The following GLI3 variants were observed in gnomAD, a reference collection of about 807,000 sequenced individuals.
GLI3 encodes the protein transcription activator GLI3.
Under a neutral mutation model 100.8 loss-of-function variants are expected in GLI3, and 20 were observed. That is an observed-to-expected ratio of 0.20 (90% CI 0.14 to 0.29). The LOEUF (loss-of-function observed/expected upper bound fraction) is 0.29, where lower values mean the gene tolerates loss of function less well. GLI3 is among the 10% of genes least tolerant of loss of function. The pLI is 1.00. For synonymous variants in GLI3, 938 were observed against 860.5 expected (o/e 1.09, Z -1.58); for missense variants, 2,040 against 2,128.5 (o/e 0.96, Z 0.82).
intron 3 of GLI3, among the ~76,000 whole-genome samples, chr7:42,137,013 A>G (rs1429074036): frequency 6.6e-6 from 1 of 152,262 alleles, no homozygotes; most frequent in Non-Finnish European, 1.5e-5. Flanking sequence ...ACCTCAGTTC[A>G]GCCACTTCCA....
At chr7:41,985,588 T>C (rs1787798073) in intron 10 of GLI3, among the ~76,000 whole-genome samples, 1 of 152,224 alleles carries the variant, frequency 6.6e-6, no homozygotes, top group Non-Finnish European at 1.5e-5. Context: ...ATTTAATTTA[T>C]ATTAAAACTG....
chr7:42,051,306 T>TA (rs1784347165), intron 4 of GLI3, among the ~76,000 whole-genome samples: 2 of 152,218 alleles, frequency 1.3e-5, no homozygotes, highest in Non-Finnish European at 2.9e-5. Flanking sequence ...TCAGCCTTGA[T>TA]ACTCACCTTC....
chr7:41,971,481 T>C (rs1787362828), intron 13 of GLI3, among the ~76,000 whole-genome samples: 1 of 152,224 alleles, frequency 6.6e-6, no homozygotes, highest in Admixed American at 6.5e-5. Flanking sequence ...AGGTGTTTTA[T>C]AAAATCACAT....
intron 2 of GLI3, among the ~76,000 whole-genome samples, chr7:42,155,450 A>AAG (rs1562762539): frequency 4.6e-5 from 7 of 151,980 alleles, no homozygotes; most frequent in African/African-American, 1.7e-4. Flanking sequence ...CAAAAAAAAA[A>AAG]AAAGAAAGAA....
chr7:42,133,631 T>C (rs1421548312), intron 3 of GLI3, among the ~76,000 whole-genome samples: 3 of 117,500 alleles, frequency 2.6e-5, no homozygotes, highest in African/African-American at 6.5e-5. Context: ...ATACTCTGGA[T>C]AGAAAGCAGC....
At chr7:42,188,002 C>CAAAAAAAAACAAAA (rs1787753238) in intron 2 of GLI3, among the ~76,000 whole-genome samples, 1 of 85,314 alleles carries the variant, frequency 1.2e-5, no homozygotes, top group Non-Finnish European at 2.2e-5. Flanking sequence ...GACTCCATCT[C>CAAAAAAAAACAAAA]AAAAAAAAAA....
intron 2 of GLI3, among the ~76,000 whole-genome samples, chr7:42,168,615 T>A (rs766922283): frequency 5.9e-5 from 9 of 151,714 alleles, no homozygotes; most frequent in Non-Finnish European, 8.8e-5. Flanking sequence ...AGAAAACAAA[T>A]CTATAAAGTT....
intron 2 of GLI3, among the ~76,000 whole-genome samples, chr7:42,165,056 C>T (rs1446413048): frequency 6.6e-6 from 1 of 151,516 alleles, no homozygotes; most frequent in Admixed American, 6.6e-5. Context: ...GGGTGGATCA[C>T]TTGAGGTCAA....
intron 4 of GLI3, among the ~76,000 whole-genome samples, chr7:42,073,856 A>G (rs1784829689): frequency 6.6e-6 from 1 of 152,248 alleles, no homozygotes; most frequent in Admixed American, 6.5e-5. Flanking sequence ...CTCATTTTCT[A>G]TAAGACAATT....
intron 10 of GLI3, among the ~76,000 whole-genome samples, chr7:41,993,350 G>C (rs1166929945): frequency 1.3e-5 from 2 of 152,142 alleles, no homozygotes; most frequent in African/African-American, 2.4e-5. Flanking sequence ...CTTGACCTCT[G>C]GCAGTCCTTC....
intron 3 of GLI3, among the ~76,000 whole-genome samples, chr7:42,100,323 C>G (rs1204708523): frequency 6.6e-6 from 1 of 152,186 alleles, no homozygotes; most frequent in Non-Finnish European, 1.5e-5. Context: ...TATGTTGAAA[C>G]CCTCACATCT....
At chr7:42,239,346 A>G (rs1281688767), upstream of GLI3, among the ~76,000 whole-genome samples, 4 of 152,192 alleles carry the variant, frequency 2.6e-5, no homozygotes, top group African/African-American at 9.7e-5. Flanking sequence ...ACCTCCCAGG[A>G]TGGCTGAGGG....
At chr7:42,198,732 C>CT (rs1382459329) in intron 2 of GLI3, among the ~76,000 whole-genome samples, 6 of 152,002 alleles carry the variant, frequency 3.9e-5, no homozygotes, top group Admixed American at 2.6e-4. Context: ...TAGGGCGCAA[C>CT]TTTGATACCT....
intron 10 of GLI3, among the ~76,000 whole-genome samples, chr7:41,990,958 G>A (rs1167088305): frequency 6.6e-6 from 1 of 151,818 alleles, no homozygotes; most frequent in Non-Finnish European, 1.5e-5. Context: ...AGAACTACTG[G>A]AAGAAAGGAA....
chr7:42,153,172 TCTTTC>T (rs1786917176), intron 2 of GLI3, among the ~76,000 whole-genome samples: 1 of 152,200 alleles, frequency 6.6e-6, no homozygotes, highest in African/African-American at 2.4e-5. Flanking sequence ...GAAAGCAAGC[TCTTTC>T]CTTTCAAGTT....
At chr7:42,214,537 A>AG (rs1788335574) in intron 2 of GLI3, among the ~76,000 whole-genome samples, 1 of 151,580 alleles carries the variant, frequency 6.6e-6, no homozygotes, top group Admixed American at 6.6e-5. Flanking sequence ...AAGCAAGAAA[A>AG]AAAAAAATAA....
chr7:41,988,126 A>T (rs1168005010), intron 10 of GLI3, among the ~76,000 whole-genome samples: 1 of 152,154 alleles, frequency 6.6e-6, no homozygotes, highest in Non-Finnish European at 1.5e-5. Context: ...CACCCCTGAA[A>T]TCCATATGTT....
In GLI3 at chr7:41,965,447, G is replaced by C. The variant is rs376682835; in HGVS notation, c.3626C>G (p.Pro1209Arg). Residue 1209 changes from proline (P) to arginine (R), a missense_variant, in exon 15 of 15, where the codon CCT becomes CGT. Physicochemically the swap from Pro to Arg is moderately radical, Grantham distance 103. Transcript: ENST00000395925. ...VHPQNPLRSG[P>R]AGGYQTLGEN... ...CCCGAGGGTCTGATAGCCCCCAGCAGGCCCGCTCCTCAAGGGGTTCTGCGG... is the reference window on the plus strand; with the variant it reads ...CCCGAGGGTCTGATAGCCCCCAGCACGCCCGCTCCTCAAGGGGTTCTGCGG... 3 of 1,608,052 alleles carry C rather than the reference G, an allele frequency of 1.9e-6. No individual in the cohort carries two copies. The African/African-American group carries it at 4.0e-5, about 21-fold the overall frequency.
At chr7:42,062,279 T>C (rs902494427) in intron 4 of GLI3, among the ~76,000 whole-genome samples, 1 of 152,236 alleles carries the variant, frequency 6.6e-6, no homozygotes, top group African/African-American at 2.4e-5. Flanking sequence ...GACCATGTTA[T>C]AAAGTCTGTT....
Sources: gnomAD v4.1 joint callset for allele counts (sites outside exome capture counted in the v4.1 genomes callset) on GRCh38, gnomAD v4.1.1 for gene constraint, MANE v1.5 for transcripts, NCBI Gene and HGNC (gene_info 2026-07-23, HGNC 2026-07-21) for gene names.